Variants in HYDIN observed in about 807,000 individuals in gnomAD.
HYDIN encodes HYDIN axonemal central pair apparatus protein, also known as axonemal central pair apparatus protein HYDIN.
In HYDIN, 132 loss-of-function variants were observed where a neutral mutation model predicts 403.9. The observed-to-expected ratio is 0.33, with a 90% CI of 0.28 to 0.38. The LOEUF is 0.38. HYDIN is among the 10% of genes least tolerant of loss of function. The pLI is 1.00. For synonymous variants in HYDIN, 1,202 were observed against 1,891.7 expected (o/e 0.64, Z 9.46); for missense variants, 2,827 against 5,009.5 (o/e 0.56, Z 13.15).
At chr16:71,168,652 T>A (rs1567401657) in intron 5 of HYDIN, among the ~76,000 whole-genome samples, 1 of 152,100 alleles carries the variant, frequency 6.6e-6, no homozygotes, top group Non-Finnish European at 1.5e-5. Context: ...ATCCTCGATG[T>A]CACCCTGTGG....
At chr16:71,218,783 G>C (rs182435239) in intron 1 of HYDIN, among the ~76,000 whole-genome samples, 4 of 152,080 alleles carry the variant, frequency 2.6e-5, no homozygotes, top group Non-Finnish European at 5.9e-5. Flanking sequence ...TTATTAAATC[G>C]TAATTCCCTC....
In HYDIN at chr16:71,137,338, C is replaced by G; in HGVS notation, c.856G>C (p.Val286Leu). The G allele has an allele frequency of 1.7e-6, 1 of 597,746 alleles. No homozygotes were observed. Among genetic ancestry groups the G allele is most frequent in the South Asian group, 2.0e-5 (1 of 49,936 alleles). The allele number at this position is 597,746 out of a possible 1,614,324, so 37.0% of individuals were successfully genotyped here. ...TCTATGGCAGCTCCATAGAGAGATACAAACACCTTTTCACCTAGGAATTAA... is the reference window on the plus strand; with the variant it reads ...TCTATGGCAGCTCCATAGAGAGATAGAAACACCTTTTCACCTAGGAATTAA... Reference protein sequence around the residue: ...VCYDTGEKVFVSLYGAAIDMN... With the variant: ...VCYDTGEKVFLSLYGAAIDMN... The change falls in exon 8 of 86, where the codon GTA becomes CTA. Residue 286 changes from valine to leucine, a missense_variant. Val to Leu is a conservative substitution (Grantham distance 32). Transcript: ENST00000393567.
chr16:71,142,207 T>C (rs1568220443), intron 7 of HYDIN, among the ~76,000 whole-genome samples: 1 of 151,448 alleles, frequency 6.6e-6, no homozygotes. Flanking sequence ...CTGTAATCGG[T>C]TTGATTATCC....
chr16:70,871,930 A>C, intron 65 of HYDIN, 107 bp downstream of exon 65: 1 of 616,778 alleles, frequency 1.6e-6, no homozygotes, highest in Non-Finnish European at 2.9e-6. Context: ...TCTCAGCTTG[A>C]GATGCATTAA....
chr16:71,017,533 T>G (rs1418509768), intron 23 of HYDIN, among the ~76,000 whole-genome samples: 3 of 152,024 alleles, frequency 2.0e-5, no homozygotes, highest in Non-Finnish European at 4.4e-5. Context: ...TTACTCATTC[T>G]CAGGCAGTTC....
Position 70,920,792 on chromosome 16 carries a change from C to T in HYDIN, c.7584G>A (p.Arg2528=), listed in dbSNP as rs750770912. The change falls in exon 46 of 86, where the codon AGG becomes AGA. Residue 2528 remains arginine (R), a synonymous_variant. Transcript: ENST00000393567. ...CCAGGCGCTCCCGCTCCGCCTTCTC[C>T]CTCTCCAGGCGCTCCTTCTCCGTGC... is the stretch of plus-strand genomic sequence containing the variant. ...KERTEKERLE[R]EKAERERLEK... is the part of the protein sequence containing the mutation. 5 of 1,560,492 alleles carry T rather than the reference C, an allele frequency of 3.2e-6. No individual in the cohort carries two copies. The highest frequency in any genetic ancestry group is 4.3e-6 in the Non-Finnish European group (5 of 1,151,500).
intron 41 of HYDIN, among the ~76,000 whole-genome samples, chr16:70,946,002 C>T (rs1424982553): frequency 3.3e-5 from 5 of 151,394 alleles, no homozygotes; most frequent in South Asian, 2.1e-4. Flanking sequence ...TGTGGGGTCA[C>T]GGGAAAGCAT....
At chr16:70,826,295 A>C (rs1173660446) in intron 83 of HYDIN, among the ~76,000 whole-genome samples, 1 of 145,568 alleles carries the variant, frequency 6.9e-6, no homozygotes, top group Non-Finnish European at 1.5e-5. Flanking sequence ...GATATTACTC[A>C]GCTCCATCTT....
At chr16:70,818,603 G>T (rs1296839946) in intron 83 of HYDIN, 31 bp from the exon 84 acceptor site, 1 of 740,878 alleles carries the variant, frequency 1.3e-6, no homozygotes, top group African/African-American at 1.8e-5. Flanking sequence ...GGAGGAAGGA[G>T]GGAAGAGTAG....
chr16:70,833,456 C>T (rs2037155285), intron 79 of HYDIN, among the ~76,000 whole-genome samples: 1 of 109,560 alleles, frequency 9.1e-6, no homozygotes, highest in East Asian at 2.4e-4. Context: ...CTGTTCCCTG[C>T]ACTGCTTCCT....
intron 44 of HYDIN, among the ~76,000 whole-genome samples, chr16:70,938,287 T>C (rs1597369127): frequency 1.3e-5 from 2 of 151,972 alleles, no homozygotes; most frequent in Non-Finnish European, 2.9e-5. Context: ...CACGCGGGGG[T>C]GCTGGTCAGG....
rs2035034799 is a variant in HYDIN at position 70,804,790 on chromosome 16, C to A, written c.*2790G>T. ...GTGATTAATGCTGAGTGTGCTGCAACCTGGGTTCGTTTTTGTTTCTCCCCC... is the reference window on the plus strand; with the variant it reads ...GTGATTAATGCTGAGTGTGCTGCAAACTGGGTTCGTTTTTGTTTCTCCCCC... On this transcript the variant is annotated 3_prime_UTR_variant, in exon 86 of 86. Coordinates refer to ENST00000393567, the MANE Select transcript of HYDIN (RefSeq NM_001270974.2). Among the ~76,000 whole-genome samples the A allele has an allele frequency of 6.6e-6, 1 of 152,132 alleles. No homozygotes were observed. The highest frequency in any genetic ancestry group is 1.5e-5 in the Non-Finnish European group (1 of 68,016).
At chr16:71,189,443 G>A (rs531060388) in intron 1 of HYDIN, among the ~76,000 whole-genome samples, 12 of 152,238 alleles carry the variant, frequency 7.9e-5, no homozygotes, top group Admixed American at 3.3e-4. Flanking sequence ...TAACCACAGA[G>A]AGAAAACAAT....
At position 71,011,610 on chromosome 16, in the gene HYDIN, C is replaced by T. The variant is rs950114805; in HGVS notation, c.3644+6519G>A. Among the ~76,000 whole-genome samples the T allele has an allele frequency of 6.1e-4, 92 of 151,986 alleles. 1 individual carries two copies. Among genetic ancestry groups the T allele is most frequent in the Non-Finnish European group, 1.0e-4 (7 of 68,002 alleles). Reference sequence around the variant, plus strand: ...GAAATTAGCCAGGTATAATGGTGCACGCCTGTAGTCCCAGCTACAGTAGTC... The same window carrying T: ...GAAATTAGCCAGGTATAATGGTGCATGCCTGTAGTCCCAGCTACAGTAGTC... On this transcript the variant is annotated intron_variant, in intron 23 of 85. Coordinates refer to ENST00000393567, the MANE Select transcript of HYDIN (RefSeq NM_001270974.2).
intron 58 of HYDIN, among the ~76,000 whole-genome samples, chr16:70,887,237 A>G (rs1009230600): frequency 2.0e-5 from 3 of 152,186 alleles, no homozygotes; most frequent in Non-Finnish European, 4.4e-5. Flanking sequence ...TATACAGCAA[A>G]AGGACTTGGT....
At chr16:71,086,271 C>A (rs1200090681) in intron 12 of HYDIN, among the ~76,000 whole-genome samples, 3 of 152,114 alleles carry the variant, frequency 2.0e-5, no homozygotes, top group Non-Finnish European at 4.4e-5. Flanking sequence ...CTAAGAAACC[C>A]AAATACATGA....
chr16:70,872,830 A>C (rs2040218541), intron 64 of HYDIN, among the ~76,000 whole-genome samples: 3 of 124,128 alleles, frequency 2.4e-5, no homozygotes, highest in Non-Finnish European at 3.4e-5. Context: ...ATCCATCCAT[A>C]TATCCATCCA....
chr16:71,059,871 T>C (rs1175081341), intron 18 of HYDIN, among the ~76,000 whole-genome samples: 1 of 152,144 alleles, frequency 6.6e-6, no homozygotes, highest in African/African-American at 2.4e-5. Flanking sequence ...CAACTGTACA[T>C]AGAAATGAGA....
At chr16:71,095,025 T>C (rs1383335446) in intron 10 of HYDIN, among the ~76,000 whole-genome samples, 1 of 148,280 alleles carries the variant, frequency 6.7e-6, no homozygotes, top group Admixed American at 6.8e-5. Context: ...TAAACCATAC[T>C]AAATTTCCCA....
Sources: allele counts gnomAD v4.1 joint callset (sites outside exome capture counted in the v4.1 genomes callset), GRCh38; gene constraint gnomAD v4.1.1; transcripts MANE v1.5; gene names NCBI Gene and HGNC (gene_info 2026-07-23, HGNC 2026-07-21).